FAM171A1: variants seen among roughly 807,000 people sequenced by gnomAD.
FAM171A1 encodes the protein protein FAM171A1.
FAM171A1 carries 23 observed loss-of-function variants against 74.9 expected under a neutral mutation model. The observed-to-expected ratio is 0.31, with a 90% CI of 0.22 to 0.44. FAM171A1 has a LOEUF of 0.44. Ranked by LOEUF, FAM171A1 falls within the 20% of genes least tolerant of loss-of-function variation. The probability of loss-of-function intolerance (pLI) is 1.00; values close to 1 mark genes in which losing one functional copy is unlikely to be tolerated. For synonymous variants in FAM171A1, 527 were observed against 505.7 expected (o/e 1.04, Z -0.57); for missense variants, 1,162 against 1,159.2 (o/e 1.00, Z -0.03).
In FAM171A1 at chr10:15,305,664, T is replaced by TAAAAAAAAAAA. The variant is rs59843893; in HGVS notation, c.98-21570_98-21560dup. ...CCTGGGTGACAGAGTGAGATCTGGC[T>TAAAAAAAAAAA]AAAAAAAAAAAAAAAAAAAAAAAAG... On this transcript the variant is annotated intron_variant, in intron 1 of 7. Transcript: ENST00000378116. 5.7e-5 allele frequency among the ~76,000 whole-genome samples: 3 copies of TAAAAAAAAAAA among 52,940 alleles called. 1 individual carries two copies. The highest frequency in any genetic ancestry group is 9.7e-5 in the Non-Finnish European group (3 of 30,780). 34.7% of individuals were successfully genotyped at this position (52,940 alleles called of 152,430 possible).
intron 4 of FAM171A1, among the ~76,000 whole-genome samples, chr10:15,253,352 G>A (rs576120880): frequency 1.3e-5 from 2 of 152,112 alleles, no homozygotes; most frequent in South Asian, 4.2e-4. Flanking sequence ...CTCCCAGACC[G>A]GCACATTTCA....
chr10:15,284,379 T>G (rs975287436), intron 1 of FAM171A1, among the ~76,000 whole-genome samples: 2 of 152,004 alleles, frequency 1.3e-5, no homozygotes, highest in African/African-American at 4.8e-5. Flanking sequence ...AGAGAAAAAT[T>G]CTATACTTTT....
At chr10:15,316,647 C>T (rs1397544591) in intron 1 of FAM171A1, among the ~76,000 whole-genome samples, 2 of 152,188 alleles carry the variant, frequency 1.3e-5, no homozygotes, top group African/African-American at 4.8e-5. Flanking sequence ...CAGAAAGCAG[C>T]TGTTTCTGAT....
At chr10:15,330,477 G>A (rs1835614601) in intron 1 of FAM171A1, among the ~76,000 whole-genome samples, 1 of 152,146 alleles carries the variant, frequency 6.6e-6, no homozygotes, top group African/African-American at 2.4e-5. Flanking sequence ...GCAGAGAGAT[G>A]ACAGATACTC....
chr10:15,264,453 T>G lies in FAM171A1; in HGVS notation c.419-9574A>C, dbSNP rs112329667. Among the ~76,000 whole-genome samples, 1,305 of 152,276 alleles carry G rather than the reference T, an allele frequency of 8.6e-3. 17 individuals carry two copies. The highest frequency in any genetic ancestry group is 0.029 in the African/African-American group (1,223 of 41,558). ...AAAAATGCAACTAAATGTGACCAGT[T>G]TGAGAACATAATTTTAATATGTCAT... On this transcript the variant is annotated intron_variant, in intron 3 of 7. Coordinates refer to ENST00000378116, the MANE Select transcript of FAM171A1 (RefSeq NM_001010924.2).
At chr10:15,362,327 A>C (rs1836004228) in intron 1 of FAM171A1, among the ~76,000 whole-genome samples, 1 of 152,238 alleles carries the variant, frequency 6.6e-6, no homozygotes, top group Admixed American at 6.5e-5. Context: ...AACTTTTAGG[A>C]ATCCTGAGTG....
At chr10:15,372,216 C>T (rs912080787), upstream of FAM171A1, among the ~76,000 whole-genome samples, 44 of 152,302 alleles carry the variant, frequency 2.9e-4, 1 homozygote, top group East Asian at 7.7e-3. Context: ...CAAGCAGAGA[C>T]TCTTTGTCCA....
intron 1 of FAM171A1, among the ~76,000 whole-genome samples, chr10:15,332,572 A>G (rs1029689924): frequency 4.6e-5 from 7 of 152,186 alleles, no homozygotes; most frequent in Non-Finnish European, 1.0e-4. Context: ...AACGATAGAA[A>G]TAAAAGGCCT....
chr10:15,214,783 A>G (rs1445564963), intron 7 of FAM171A1, among the ~76,000 whole-genome samples, 182 bp from the exon 8 acceptor site: 4 of 144,900 alleles, frequency 2.8e-5, no homozygotes, highest in African/African-American at 7.7e-5. Flanking sequence ...TTGAGACAGC[A>G]TCTTGCTTGC....
chr10:15,343,981 G>T (rs1397714763), intron 1 of FAM171A1, among the ~76,000 whole-genome samples: 1 of 152,182 alleles, frequency 6.6e-6, no homozygotes, highest in Non-Finnish European at 1.5e-5. Context: ...CACATTTAAA[G>T]ATCAGACAAC....
At chr10:15,299,678 T>C (rs565009711) in intron 1 of FAM171A1, among the ~76,000 whole-genome samples, 2 of 151,988 alleles carry the variant, frequency 1.3e-5, no homozygotes, top group African/African-American at 2.4e-5. Context: ...CATTAATTAT[T>C]TTAGAATTAA....
intron 1 of FAM171A1, among the ~76,000 whole-genome samples, chr10:15,303,234 A>C (rs1171400849): frequency 6.6e-6 from 1 of 152,122 alleles, no homozygotes; most frequent in Non-Finnish European, 1.5e-5. Context: ...AAATTTATGA[A>C]ATATTTTTAT....
At chr10:15,339,588 G>C (rs1588561702) in intron 1 of FAM171A1, among the ~76,000 whole-genome samples, 1 of 152,028 alleles carries the variant, frequency 6.6e-6, no homozygotes, top group Non-Finnish European at 1.5e-5. Flanking sequence ...TCATATCTAG[G>C]GTCCTACTAT....
In FAM171A1 at chr10:15,287,519, C is replaced by A. The variant is rs560790988; in HGVS notation, c.98-3414G>T. On this transcript the variant is annotated intron_variant, in intron 1 of 7. Transcript: ENST00000378116. ...TCTCCTGCCTCAGCCACCAGAGTAGCTGGGACTACAGGCGCCTGCCACCAC... is the reference window on the plus strand; with the variant it reads ...TCTCCTGCCTCAGCCACCAGAGTAGATGGGACTACAGGCGCCTGCCACCAC... Among the ~76,000 whole-genome samples the A allele has an allele frequency of 3.9e-5, 6 of 152,094 alleles. No individual in the cohort carries two copies. The South Asian group carries it at 1.2e-3, about 32-fold the overall frequency.
At chr10:15,274,724 T>C (rs1834870979) in intron 3 of FAM171A1, among the ~76,000 whole-genome samples, 1 of 152,068 alleles carries the variant, frequency 6.6e-6, no homozygotes, top group Non-Finnish European at 1.5e-5. Flanking sequence ...CCCTTAGAAA[T>C]AATACCACAC....
upstream of FAM171A1, among the ~76,000 whole-genome samples, chr10:15,371,678 C>G (rs929877917): frequency 6.6e-6 from 1 of 152,184 alleles, no homozygotes; most frequent in Admixed American, 6.5e-5. Flanking sequence ...GCAGTACCTA[C>G]GTGTTGGCGG....
At chr10:15,222,925 A>C (rs1834057778) in intron 5 of FAM171A1, among the ~76,000 whole-genome samples, 1 of 152,244 alleles carries the variant, frequency 6.6e-6, no homozygotes, top group Non-Finnish European at 1.5e-5. Context: ...GGTTTTGCAA[A>C]TGGGTATGAG....
intron 1 of FAM171A1, among the ~76,000 whole-genome samples, chr10:15,332,389 A>G (rs137961590): frequency 1.3e-5 from 2 of 152,298 alleles, no homozygotes; most frequent in Non-Finnish European, 2.9e-5. Context: ...GAAATGCCCA[A>G]TGGTTCTGTT....
intron 1 of FAM171A1, among the ~76,000 whole-genome samples, chr10:15,316,893 C>A (rs903597863): frequency 6.6e-6 from 1 of 152,158 alleles, no homozygotes; most frequent in Non-Finnish European, 1.5e-5. Flanking sequence ...GACAGACTCA[C>A]GCATTCTCCA....
Sources: gnomAD v4.1 joint callset for allele counts (sites outside exome capture counted in the v4.1 genomes callset) on GRCh38, gnomAD v4.1.1 for gene constraint, MANE v1.5 for transcripts, NCBI Gene and HGNC (gene_info 2026-07-23, HGNC 2026-07-21) for gene names.